MICAL3: variants seen among roughly 807,000 people sequenced by gnomAD.
The protein encoded by MICAL3 is [F-actin]-monooxygenase MICAL3.
MICAL3 carries 62 observed loss-of-function variants against 207.4 expected under a neutral mutation model. The ratio of observed to expected loss-of-function variants is 0.30; its 90% CI spans 0.24 to 0.37. The LOEUF is 0.37. Ranked by LOEUF, MICAL3 falls within the 10% of genes least tolerant of loss-of-function variation. The probability of loss-of-function intolerance (pLI) is 1.00; values close to 1 mark genes in which losing one functional copy is unlikely to be tolerated. For synonymous variants in MICAL3, 1,077 were observed against 1,069.3 expected (o/e 1.01, Z -0.14); for missense variants, 2,368 against 2,635.6 (o/e 0.90, Z 2.22).
At chr22:17,967,799 C>A (rs1935216264) in intron 1 of MICAL3, among the ~76,000 whole-genome samples, 1 of 152,192 alleles carries the variant, frequency 6.6e-6, no homozygotes, top group Non-Finnish European at 1.5e-5. Flanking sequence ...GTAATCCCAG[C>A]ACTTTGGGAG....
intron 25 of MICAL3, 129 bp downstream of exon 25, chr22:17,821,298 A>T: frequency 1.4e-6 from 1 of 702,760 alleles, no homozygotes; most frequent in Non-Finnish European, 2.3e-6. Context: ...CAGAATGAGG[A>T]GGCCAGCAGG....
At chr22:17,917,254 G>C (rs565887950) in intron 1 of MICAL3, among the ~76,000 whole-genome samples, 1 of 152,066 alleles carries the variant, frequency 6.6e-6, no homozygotes, top group East Asian at 1.9e-4. Context: ...TGTTTGACAG[G>C]CATCTCTAGC....
intron 1 of MICAL3, among the ~76,000 whole-genome samples, chr22:17,987,020 T>C (rs1921095300): frequency 1.3e-5 from 2 of 151,806 alleles, no homozygotes; most frequent in Non-Finnish European, 1.5e-5. Context: ...AGGAGAATCA[T>C]TGAGACTAGG....
chr22:17,978,982 C>G (rs960616209), intron 1 of MICAL3, among the ~76,000 whole-genome samples: 2 of 150,946 alleles, frequency 1.3e-5, no homozygotes, highest in African/African-American at 4.9e-5. Context: ...TCGAGACCAG[C>G]CTGGGAAACA....
At chr22:17,879,253 G>T in intron 16 of MICAL3, 1 of 1,077,682 alleles carries the variant, frequency 9.3e-7, no homozygotes, top group Non-Finnish European at 1.3e-6. Flanking sequence ...GGAGGGGGCC[G>T]TCCCCCATAT....
At chr22:17,828,204 G>A (rs1238089632) in intron 21 of MICAL3, among the ~76,000 whole-genome samples, 1 of 152,222 alleles carries the variant, frequency 6.6e-6, no homozygotes, top group African/African-American at 2.4e-5. Context: ...CACAGTGTGA[G>A]ACCCCAGGAT....
chr22:17,819,741 C>T (rs889397916), intron 25 of MICAL3, among the ~76,000 whole-genome samples: 1 of 151,440 alleles, frequency 6.6e-6, no homozygotes, highest in Non-Finnish European at 1.5e-5. Context: ...AGATCGAGAC[C>T]ATCCTGGCTA....
intron 2 of MICAL3, among the ~76,000 whole-genome samples, chr22:17,905,854 A>G (rs1037722120): frequency 1.3e-5 from 2 of 152,142 alleles, no homozygotes; most frequent in Non-Finnish European, 2.9e-5. Flanking sequence ...TGGAAACCCC[A>G]TTTCTCCACA....
intron 25 of MICAL3, among the ~76,000 whole-genome samples, chr22:17,820,368 T>G (rs1921438407): frequency 6.6e-6 from 1 of 152,214 alleles, no homozygotes; most frequent in African/African-American, 2.4e-5. Context: ...AATTTCTTTT[T>G]TTTTGAGACG....
chr22:17,805,345 G>A (rs1286093351), intron 29 of MICAL3, among the ~76,000 whole-genome samples: 1 of 136,752 alleles, frequency 7.3e-6, no homozygotes, highest in African/African-American at 2.9e-5. Flanking sequence ...AGGAGGGGCA[G>A]GGCCACGGGG....
chr22:17,887,061 A>G (rs951333446), intron 15 of MICAL3, 109 bp downstream of exon 15: 11 of 576,896 alleles, frequency 1.9e-5, no homozygotes, highest in Admixed American at 7.1e-5. Flanking sequence ...AAATTCTCAT[A>G]AAGGATGAAT....
intron 1 of MICAL3, among the ~76,000 whole-genome samples, chr22:17,969,489 T>G (rs1935304921): frequency 2.0e-5 from 3 of 152,244 alleles, no homozygotes; most frequent in African/African-American, 7.2e-5. Context: ...GAGATTAAAA[T>G]GAGAACTCCT....
At chr22:17,974,262 A>G (rs1422264839) in intron 1 of MICAL3, among the ~76,000 whole-genome samples, 1 of 152,238 alleles carries the variant, frequency 6.6e-6, no homozygotes, top group Non-Finnish European at 1.5e-5. Flanking sequence ...CTGATAAAAC[A>G]GGCTTCAGGG....
At chr22:17,830,846 TGCTAACCC>T (rs1203281136) in intron 21 of MICAL3, among the ~76,000 whole-genome samples, 3 of 152,210 alleles carry the variant, frequency 2.0e-5, no homozygotes, top group Non-Finnish European at 4.4e-5. Flanking sequence ...CGGTTCCTTC[TGCTAACCC>T]ACCTCACTGG....
intron 1 of MICAL3, chr22:17,981,083 T>C: frequency 3.2e-6 from 1 of 314,130 alleles, no homozygotes; most frequent in Non-Finnish European, 6.9e-6. Flanking sequence ...TGTGCATGTA[T>C]TTATATGGAC....
intron 1 of MICAL3, among the ~76,000 whole-genome samples, chr22:17,992,090 G>A (rs369988791): frequency 1.1e-4 from 16 of 152,312 alleles, no homozygotes; most frequent in African/African-American, 3.8e-4. Flanking sequence ...CCTCTAGGAA[G>A]GGCTGCCCAG....
At chr22:17,915,046 C>T (rs1185010809) in intron 1 of MICAL3, among the ~76,000 whole-genome samples, 1 of 152,126 alleles carries the variant, frequency 6.6e-6, no homozygotes, top group Non-Finnish European at 1.5e-5. Flanking sequence ...TGATGAAAGG[C>T]CTCTGGGTGG....
intron 1 of MICAL3, among the ~76,000 whole-genome samples, chr22:17,976,061 A>G (rs1364981593): frequency 2.0e-5 from 3 of 151,490 alleles, no homozygotes; most frequent in Non-Finnish European, 4.4e-5. Context: ...AAAAAAAAAG[A>G]GTGCTACATG....
At chr22:17,974,723 TAAA>T (rs5844339) in intron 1 of MICAL3, among the ~76,000 whole-genome samples, 5,828 of 106,022 alleles carry the variant, frequency 0.055, 426 homozygotes, top group African/African-American at 0.18. Flanking sequence ...GACTCCGTCT[TAAA>T]AAAAAAAAAA....
Sources: gnomAD v4.1 joint callset for allele counts (sites outside exome capture counted in the v4.1 genomes callset) on GRCh38, gnomAD v4.1.1 for gene constraint, MANE v1.5 for transcripts, NCBI Gene and HGNC (gene_info 2026-07-23, HGNC 2026-07-21) for gene names.